The following GUCA1C variants were observed in gnomAD, a reference collection of about 807,000 sequenced individuals.
GUCA1C encodes the protein guanylyl cyclase-activating protein 3.
GUCA1C carries 15 observed loss-of-function variants against 16.2 expected under a neutral mutation model. The ratio of observed to expected loss-of-function variants is 0.93; its 90% CI spans 0.62 to 1.43. GUCA1C has a LOEUF of 1.43. GUCA1C is among the 40% of genes most tolerant of loss of function. The probability of loss-of-function intolerance (pLI) is 0.00; values close to 1 mark genes in which losing one functional copy is unlikely to be tolerated. For synonymous variants in GUCA1C, 78 were observed against 85.4 expected, an observed-to-expected ratio of 0.91 and a Z score of 0.48; for missense variants, 275 against 244.8, an observed-to-expected ratio of 1.12 and a Z score of -0.82.
chr3:108,940,348 A>T (rs1946773518), intron 1 of GUCA1C, among the ~76,000 whole-genome samples: 1 of 152,234 alleles, frequency 6.6e-6, no homozygotes, highest in South Asian at 2.1e-4. Flanking sequence ...AATGAACAGC[A>T]GTGATTATGA....
intron 1 of GUCA1C, among the ~76,000 whole-genome samples, chr3:108,938,403 A>T (rs1036823975): frequency 2.0e-5 from 3 of 152,222 alleles, no homozygotes; most frequent in African/African-American, 7.2e-5. Context: ...ATGATTACTC[A>T]GATGGTCAGA....
At position 108,924,612 on chromosome 3, in the gene GUCA1C, T is replaced by C. The variant is rs531616929; in HGVS notation, c.205-4027A>G. Among the ~76,000 whole-genome samples the C allele has an allele frequency of 2.6e-5, 4 of 152,254 alleles. No individual in the cohort carries two copies. In the East Asian group the frequency reaches 7.7e-4, roughly 29 times the overall value. ...TGGTCTGTGGTTTTCTTTTTTCTGT[T>C]AGGTCCTTCCTGATTTTGGTATTAG... On this transcript the variant is annotated intron_variant, in intron 1 of 3. Coordinates refer to ENST00000261047, the MANE Select transcript of GUCA1C (RefSeq NM_005459.4).
chr3:108,910,755 T>C (rs1946444390), intron 3 of GUCA1C, among the ~76,000 whole-genome samples: 1 of 151,754 alleles, frequency 6.6e-6, no homozygotes, highest in African/African-American at 2.4e-5. Flanking sequence ...GTTCACATCA[T>C]TCTCCTGTCT....
chr3:108,928,497 C>T (rs369890803), intron 1 of GUCA1C, among the ~76,000 whole-genome samples: 154 of 152,230 alleles, frequency 1.0e-3, no homozygotes, highest in African/African-American at 3.5e-3. Context: ...AGCATTGTAT[C>T]GAAAACATCA....
chr3:108,939,245 G>C (rs1423821656), intron 1 of GUCA1C, among the ~76,000 whole-genome samples: 1 of 147,698 alleles, frequency 6.8e-6, no homozygotes, highest in Non-Finnish European at 1.5e-5. Flanking sequence ...GAAGAGGTGA[G>C]TTGAGAATGT....
At chr3:108,912,707 A>T (rs1946468689) in intron 3 of GUCA1C, among the ~76,000 whole-genome samples, 1 of 74,132 alleles carries the variant, frequency 1.3e-5, no homozygotes, top group Non-Finnish European at 2.6e-5. Flanking sequence ...GTATTTGTTA[A>T]TTTCAAAAAA....
Position 108,953,715 on chromosome 3 carries a change from T to C in GUCA1C, c.48A>G (p.Thr16=), listed in dbSNP as rs956886310. 3.1e-6 allele frequency: 5 copies of C among 1,613,592 alleles called. No homozygotes were observed. Among genetic ancestry groups the C allele is most frequent in the Admixed American group, 1.7e-5 (1 of 60,020 alleles). ...TTCTGTACCACACATGGGTCTCTTGTGTAGGAACTGCTTTCTGATCACCAG... is the reference window on the plus strand; with the variant it reads ...TTCTGTACCACACATGGGTCTCTTGCGTAGGAACTGCTTTCTGATCACCAG... ...SIAGDQKAVP[T]QETHVWYRTF... The change falls in exon 1 of 4, where the codon ACA becomes ACG. Residue 16 remains threonine, a synonymous_variant. Transcript: ENST00000261047.
intron 1 of GUCA1C, among the ~76,000 whole-genome samples, chr3:108,934,669 T>A (rs1946704147): frequency 6.6e-6 from 1 of 152,096 alleles, no homozygotes. Context: ...ATGTACACCA[T>A]GAAATACTAT....
chr3:108,910,445 C>T (rs1946438716), intron 3 of GUCA1C, among the ~76,000 whole-genome samples: 1 of 151,062 alleles, frequency 6.6e-6, no homozygotes, highest in Middle Eastern at 3.4e-3. Context: ...TTGCAGTGAG[C>T]CGAGATGGCG....
intron 1 of GUCA1C, among the ~76,000 whole-genome samples, chr3:108,945,164 C>A (rs1313225143): frequency 6.6e-6 from 1 of 152,210 alleles, no homozygotes; most frequent in Non-Finnish European, 1.5e-5. Context: ...GTGAAGCCTA[C>A]GGATGCTTAG....
At chr3:108,927,179 C>A (rs1946630556) in intron 1 of GUCA1C, among the ~76,000 whole-genome samples, 1 of 152,192 alleles carries the variant, frequency 6.6e-6, no homozygotes, top group Non-Finnish European at 1.5e-5. Context: ...TTTGTCTTGA[C>A]TTTAGATAAC....
chr3:108,953,752 C>T lies in GUCA1C; in HGVS notation c.11G>A (p.Gly4Asp). The stretch of plus-strand genomic sequence containing the variant: ...TTTCTGATCACCAGCTATAGATTTG[C>T]CATTCCCCATCTTGACTCACAGTCT... MGNGKSIAGDQKAV... is the reference protein window; with the variant it reads MGNDKSIAGDQKAV... The change falls in exon 1 of 4, where the codon GGC becomes GAC. Residue 4 changes from glycine to aspartate, a missense_variant. Physicochemically the swap from Gly to Asp is moderately conservative, Grantham distance 94. Transcript: ENST00000261047. The T allele has an allele frequency of 9.9e-6, 16 of 1,611,554 alleles. No homozygotes were observed. Among genetic ancestry groups the T allele is most frequent in the Non-Finnish European group, 1.4e-5 (16 of 1,177,714 alleles).
rs191282318 is a variant in GUCA1C, at chr3:108,932,170, G to A, written c.205-11585C>T. 9.2e-5 allele frequency among the ~76,000 whole-genome samples: 14 copies of A among 151,692 alleles called. No individual in the cohort carries two copies. In the East Asian group the frequency reaches 2.3e-3, roughly 25 times the overall value. On this transcript the variant is annotated intron_variant, in intron 1 of 3. Coordinates refer to ENST00000261047, the MANE Select transcript of GUCA1C (RefSeq NM_005459.4). ...CGGCCGGGAACACTCTTAAGCTCACGTTTCCGTAGTTGAACTTCAGGAGTC... is the reference window on the plus strand; with the variant it reads ...CGGCCGGGAACACTCTTAAGCTCACATTTCCGTAGTTGAACTTCAGGAGTC...
chr3:108,952,595 A>G (rs148067757), intron 1 of GUCA1C, among the ~76,000 whole-genome samples: 24 of 152,222 alleles, frequency 1.6e-4, no homozygotes, highest in African/African-American at 5.3e-4. Flanking sequence ...TTCTTGGTTT[A>G]AAGTATTTTG....
intron 1 of GUCA1C, among the ~76,000 whole-genome samples, chr3:108,939,623 G>A (rs372556021): frequency 1.1e-4 from 16 of 147,164 alleles, no homozygotes; most frequent in Admixed American, 4.8e-4. Context: ...CACCGCGCCC[G>A]GCCAAGGCTG....
intron 1 of GUCA1C, among the ~76,000 whole-genome samples, chr3:108,938,059 TA>T (rs113160708): frequency 2.6e-4 from 37 of 141,770 alleles, no homozygotes; most frequent in African/African-American, 3.1e-4. Context: ...AGACTCTGTC[TA>T]AAAAAAAAAA....
At chr3:108,944,888 T>C (rs546293990) in intron 1 of GUCA1C, among the ~76,000 whole-genome samples, 6 of 152,314 alleles carry the variant, frequency 3.9e-5, no homozygotes, top group African/African-American at 1.2e-4. Flanking sequence ...TGAGGATGAA[T>C]TGATGCACCA....
chr3:108,930,705 C>T (rs1442404785), intron 1 of GUCA1C, among the ~76,000 whole-genome samples: 2 of 152,168 alleles, frequency 1.3e-5, no homozygotes, highest in African/African-American at 4.8e-5. Flanking sequence ...AAGATTTCTT[C>T]TAACAGATAG....
intron 1 of GUCA1C, among the ~76,000 whole-genome samples, chr3:108,943,427 C>A (rs1484957258): frequency 6.6e-6 from 1 of 152,126 alleles, no homozygotes; most frequent in Non-Finnish European, 1.5e-5. Context: ...CTGACCCAGA[C>A]TAAGAGGCCT....
Sources: allele counts gnomAD v4.1 joint callset (sites outside exome capture counted in the v4.1 genomes callset), GRCh38; gene constraint gnomAD v4.1.1; transcripts MANE v1.5; gene names NCBI Gene and HGNC (gene_info 2026-07-23, HGNC 2026-07-21).